The following VPS28 variants were observed in gnomAD, a reference collection of about 807,000 sequenced individuals.
The protein encoded by VPS28 is vacuolar protein sorting-associated protein 28 homolog.
A neutral mutation model predicts 33.7 loss-of-function variants in VPS28; 29 were observed. The observed-to-expected ratio is 0.86, with a 90% CI of 0.64 to 1.17. The LOEUF (loss-of-function observed/expected upper bound fraction) is 1.17, where lower values mean the gene tolerates loss of function less well. Among genes scored for constraint, VPS28 ranks in the 50% most tolerant of loss-of-function variants. The probability of loss-of-function intolerance (pLI) is 0.00; values close to 1 mark genes in which losing one functional copy is unlikely to be tolerated. For synonymous variants in VPS28, 164 were observed against 116.7 expected, an observed-to-expected ratio of 1.40 and a Z score of -2.61; for missense variants, 247 against 312.2, an observed-to-expected ratio of 0.79 and a Z score of 1.57.
chr8:144,426,448 C>T (rs563699788), intron 2 of VPS28: 10 of 517,348 alleles, frequency 1.9e-5, no homozygotes, highest in Admixed American at 7.7e-5. Flanking sequence ...AGCTCCACTG[C>T]GGCTCCCCGG....
chr8:144,426,187 A>G lies in VPS28; in HGVS notation c.59T>C (p.Leu20Pro). 3 of 1,606,656 alleles carry G rather than the reference A, an allele frequency of 1.9e-6. No individual in the cohort carries two copies. Among genetic ancestry groups the G allele is most frequent in the Non-Finnish European group, 2.5e-6 (3 of 1,176,836 alleles). The change falls in exon 3 of 10, where the codon CTG becomes CCG. Residue 20 changes from leucine to proline, a missense_variant. Leu to Pro is a moderately conservative substitution (Grantham distance 98). Around this residue, in one of 3 missense-constraint regions of VPS28, gnomAD observed 149 missense variants for 172.8 expected, o/e 0.86. Transcript: ENST00000292510. ...TGGGCACCCACCACTCACCTCATAC[A>G]GCTCCGGCTTGTTCCCAGGGGCTGC... Reference protein sequence around the residue: ...GIGAPGNKPELYEEVKLYKNA... With the variant: ...GIGAPGNKPEPYEEVKLYKNA...
rs200560308 is a variant in VPS28, at chr8:144,425,533, CCTGG to C, written c.194+146_194+149del. ...CTCCCTCACCAGCCCCCAGGACTTC[CCTGG>C]CTGAGACCCAGGGGCACCCTCCTCA... On this transcript the variant is annotated intron_variant, in intron 5 of 9. Transcript: ENST00000292510. 8.7e-4 allele frequency: 676 copies of C among 781,164 alleles called. 3 individuals are homozygous for C. In the African/African-American group the frequency reaches 0.01, roughly 12 times the overall value. The allele number at this position is 781,164 out of a possible 1,614,324, so 48.4% of individuals were successfully genotyped here. A position where few individuals can be genotyped will look rare whatever the true frequency, so the allele number is the denominator to read the frequency against.
rs1230351806 is a variant in VPS28, at chr8:144,426,922, C to T, written c.24G>A (p.Thr8=). The T allele has an allele frequency of 8.1e-6, 13 of 1,612,470 alleles. No individual in the cohort carries two copies. The highest frequency in any genetic ancestry group is 1.3e-5 in the African/African-American group (1 of 74,896). The change falls in exon 2 of 10, where the codon ACG becomes ACA. Residue 8 remains threonine (T), a synonymous_variant. Coordinates refer to ENST00000292510, the MANE Select transcript of VPS28 (RefSeq NM_016208.4). The part of the protein sequence containing the change: MFHGIPA[T]PGIGAPGNKP... ...AGCCACACTCACCTCCTATGCCCGGCGTGGCTGGGATCCCATGAAACATCC... is the reference window on the plus strand; with the variant it reads ...AGCCACACTCACCTCCTATGCCCGGTGTGGCTGGGATCCCATGAAACATCC...
Position 144,424,839 on chromosome 8 carries a change from T to G in VPS28, c.301-20A>C, listed in dbSNP as rs1586664997. On this transcript the variant is annotated intron_variant, in intron 6 of 9. Transcript: ENST00000292510. ...GTCCAGCTGTTGGGGGTGACATGGG[T>G]GCTGGGGCTCTCAGGACAGCAAGCC... 6.2e-7 allele frequency: 1 copy of G among 1,613,416 alleles called. No individual in the cohort carries two copies. Among genetic ancestry groups the G allele is most frequent in the Non-Finnish European group, 8.5e-7 (1 of 1,179,672 alleles).
intron 2 of VPS28, chr8:144,426,646 T>C: frequency 6.0e-6 from 3 of 502,728 alleles, no homozygotes; most frequent in South Asian, 2.4e-5. Flanking sequence ...TCCCCTGGGA[T>C]TGGTGACACA....
chr8:144,426,885 C>CTGCG (rs782086709), intron 2 of VPS28, 24 bp downstream of exon 2: 1 of 1,612,064 alleles, frequency 6.2e-7, no homozygotes, highest in South Asian at 1.1e-5. Context: ...GGCTGAAAGC[C>CTGCG]TGCGCCCTTC....
In VPS28 at chr8:144,426,964, G is replaced by C. The variant is rs782652316; in HGVS notation, c.-19C>G. 6.2e-6 allele frequency: 10 copies of C among 1,612,030 alleles called. No individual in the cohort carries two copies. Among genetic ancestry groups the C allele is most frequent in the Middle Eastern group, 1.7e-4 (1 of 6,056 alleles). ...GAAACATCCTCTAGGCTCTGGGGGG[G>C]GCACAGCACTGAGACCTGGGGAGCA... On this transcript the variant is annotated 5_prime_UTR_variant, in exon 2 of 10. Coordinates refer to ENST00000292510, the MANE Select transcript of VPS28 (RefSeq NM_016208.4).
At chr8:144,424,164 G>A (rs782213603) in intron 8 of VPS28, 32 bp from the exon 9 acceptor site, 20 of 1,555,550 alleles carry the variant, frequency 1.3e-5, no homozygotes, top group African/African-American at 5.5e-5. Flanking sequence ...GGACCCCGAC[G>A]CCGGCTCCAT....
Position 144,425,017 on chromosome 8 carries a change from A to G in VPS28, c.229T>C (p.Tyr77His). The change falls in exon 6 of 10, where the codon TAC becomes CAC. Residue 77 changes from tyrosine (Y) to histidine (H), a missense_variant. Coordinates refer to ENST00000292510, the MANE Select transcript of VPS28 (RefSeq NM_016208.4). ...TAACSRLLVQ[Y>H]KAAFRQVQGS... is the part of the protein sequence containing the mutation. ...TGGACCTGCCTGAAGGCAGCTTTGT[A>G]TTGGACCAGGAGCCGGGAGCAGGCT... The G allele has an allele frequency of 1.3e-6, 2 of 1,553,898 alleles. No individual in the cohort carries two copies. Among genetic ancestry groups the G allele is most frequent in the Non-Finnish European group, 1.7e-6 (2 of 1,147,982 alleles).
At chr8:144,425,387 C>T (rs1255031984) in intron 5 of VPS28, 2 of 566,364 alleles carry the variant, frequency 3.5e-6, no homozygotes, top group Non-Finnish European at 6.3e-6. Flanking sequence ...TGAACAAAGC[C>T]CCCCCAAAAG....
rs1554876032 is a variant in VPS28 at position 144,424,216 on chromosome 8, T to C, written c.455A>G (p.Glu152Gly). Residue 152 changes from glutamate to glycine, a missense_variant and splice_region_variant, in exon 8 of 10, where the codon GAG (glutamate) becomes GGG (glycine). Transcript: ENST00000292510. ...CCCCTGCCAGCCCAATACCCGCACC[T>C]CATCCATGGCGCGGATCTCCAGACG... is the stretch of plus-strand genomic sequence containing the variant. ...KLRLEIRAMD[E>G]IQPDLRELME... The C allele has an allele frequency of 6.2e-7, 1 of 1,600,962 alleles. No individual in the cohort carries two copies. The highest frequency in any genetic ancestry group is 8.5e-7 in the Non-Finnish European group (1 of 1,172,552).
At chr8:144,424,691 C>G in intron 7 of VPS28, 27 bp downstream of exon 7, 2 of 1,607,170 alleles carry the variant, frequency 1.2e-6, no homozygotes, top group South Asian at 2.2e-5. Flanking sequence ...GCTCTCCTAA[C>G]CACGTGCCCT....
Position 144,423,886 on chromosome 8 carries a change from C to T in VPS28, c.585G>A (p.Glu195=). 6.2e-7 allele frequency: 1 copy of T among 1,613,136 alleles called. No individual in the cohort carries two copies. The highest frequency in any genetic ancestry group is 8.5e-7 in the Non-Finnish European group (1 of 1,180,042). The change falls in exon 10 of 10, where the codon GAG becomes GAA. Residue 195 remains glutamate (E), a synonymous_variant. Transcript: ENST00000292510. ...QTLSGMSASD[E]LDDSQVRQML... is the part of the protein sequence containing the mutation. ...TCTGACGCACCTGTGAGTCGTCCAG[C>T]TCATCTGACGCCGACATGCCGCTCA...
rs782197523 is a variant in VPS28 at position 144,426,904 on chromosome 8, C to T, written c.37+5G>A. ...GAAAGCCTGCGCCCTTCCAGCCACA[C>T]TCACCTCCTATGCCCGGCGTGGCTG... is the stretch of plus-strand genomic sequence containing the variant. On this transcript the variant is annotated splice_donor_5th_base_variant and intron_variant, in intron 2 of 9. Coordinates refer to ENST00000292510, the MANE Select transcript of VPS28 (RefSeq NM_016208.4). 1.2e-6 allele frequency: 2 copies of T among 1,612,744 alleles called. No homozygotes were observed. The highest frequency in any genetic ancestry group is 1.7e-6 in the Non-Finnish European group (2 of 1,179,808).
At position 144,426,776 on chromosome 8, in the gene VPS28, AG is replaced by A. The variant is rs201112527; in HGVS notation, c.37+132del. 4.7e-3 allele frequency: 4,465 copies of A among 948,516 alleles called. 123 individuals are homozygous for A. In the African/African-American group the frequency reaches 0.063, roughly 13 times the overall value. 58.8% of individuals were successfully genotyped at this position (948,516 alleles called of 1,614,324 possible). On this transcript the variant is annotated intron_variant, in intron 2 of 9. Coordinates refer to ENST00000292510, the MANE Select transcript of VPS28 (RefSeq NM_016208.4). The stretch of plus-strand genomic sequence containing the variant: ...TCAGTGCTCCTGCAATGAACTATTT[AG>A]CCCCTGGCCACCCCCAAGGCTGTAC...
chr8:144,428,319 G>A (rs920474301), intron 1 of VPS28, among the ~76,000 whole-genome samples, 170 bp downstream of exon 1: 5 of 152,274 alleles, frequency 3.3e-5, no homozygotes, highest in Admixed American at 3.3e-4. Flanking sequence ...CAACCTCGCA[G>A]AGTGGACAAC....
At position 144,424,026 on chromosome 8, in the gene VPS28, G is replaced by T; in HGVS notation, c.548+15C>A. The T allele has an allele frequency of 6.3e-7, 1 of 1,593,846 alleles. No individual in the cohort carries two copies. On this transcript the variant is annotated intron_variant, in intron 9 of 9. Transcript: ENST00000292510. ...GGGCACTGCGGGGCTCTGCCTGGCT[G>T]GGAGGGACACCCACCACTGGCTGAC...
Position 144,423,866 on chromosome 8 carries a change from C to A in VPS28, c.605G>T (p.Arg202Leu). The A allele has an allele frequency of 1.9e-6, 3 of 1,613,120 alleles. No homozygotes were observed. The highest frequency in any genetic ancestry group is 2.5e-6 in the Non-Finnish European group (3 of 1,180,034). The change falls in exon 10 of 10, where the codon CGT becomes CTT. Residue 202 changes from arginine to leucine, a missense_variant. Coordinates refer to ENST00000292510, the MANE Select transcript of VPS28 (RefSeq NM_016208.4). The stretch of plus-strand genomic sequence containing the variant: ...TGACTCCAGGTCGAACAGCATCTGA[C>A]GCACCTGTGAGTCGTCCAGCTCATC... The part of the protein sequence containing the change: ...ASDELDDSQV[R>L]QMLFDLESAY...
At chr8:144,426,258 G>A (rs1186152758) in intron 2 of VPS28, 50 bp from the exon 3 acceptor site, 1 of 1,546,914 alleles carries the variant, frequency 6.5e-7, no homozygotes, top group East Asian at 2.3e-5. Context: ...GGGAACCCAA[G>A]GGCAGACTCC....
Sources: gnomAD v4.1 joint callset for allele counts (sites outside exome capture counted in the v4.1 genomes callset) on GRCh38, gnomAD v4.1.1 for gene constraint, gnomAD v4.1.1 regional missense constraint, MANE v1.5 for transcripts, NCBI Gene and HGNC (gene_info 2026-07-23, HGNC 2026-07-21) for gene names.